FAM107B: variants seen among roughly 807,000 people sequenced by gnomAD.
The protein encoded by FAM107B is protein FAM107B.
Under a neutral mutation model 31.5 loss-of-function variants are expected in FAM107B, and 21 were observed. The observed-to-expected ratio is 0.67, with a 90% CI of 0.47 to 0.96. FAM107B has a LOEUF of 0.96. FAM107B is among the 40% of genes least tolerant of loss of function. The pLI, the probability that FAM107B is intolerant of heterozygous loss-of-function variation, is 0.00. For synonymous variants in FAM107B, 157 were observed against 141.5 expected (o/e 1.11, Z -0.78); for missense variants, 452 against 377.1 (o/e 1.20, Z -1.64).
intron 2 of FAM107B, among the ~76,000 whole-genome samples, chr10:14,631,951 G>A (rs922260556): frequency 4.6e-5 from 7 of 151,880 alleles, no homozygotes; most frequent in African/African-American, 1.5e-4. Flanking sequence ...TGTAGCCCAC[G>A]AAAAAAAGTG....
intron 2 of FAM107B, among the ~76,000 whole-genome samples, chr10:14,579,144 T>C (rs927692305): frequency 4.6e-5 from 7 of 152,226 alleles, no homozygotes; most frequent in African/African-American, 9.6e-5. Flanking sequence ...TAAGATGTTA[T>C]CTTAATTTGC....
chr10:14,704,885 A>G (rs1209075690), intron 1 of FAM107B, among the ~76,000 whole-genome samples: 1 of 151,922 alleles, frequency 6.6e-6, no homozygotes, highest in Non-Finnish European at 1.5e-5. Flanking sequence ...TTAACTAAGC[A>G]TGGTGGTGGG....
chr10:14,774,143 G>T, intron 1 of FAM107B, 110 bp downstream of exon 1: 1 of 1,354,372 alleles, frequency 7.4e-7, no homozygotes, highest in Non-Finnish European at 1.0e-6. Flanking sequence ...CGCCCGCAAT[G>T]CCTTATTCAG....
At chr10:14,559,042 G>A (rs1461255359) in intron 2 of FAM107B, among the ~76,000 whole-genome samples, 8 of 147,116 alleles carry the variant, frequency 5.4e-5, no homozygotes, top group African/African-American at 7.6e-5. Flanking sequence ...CCCTTCCAAC[G>A]CAGTCCAGCT....
intron 1 of FAM107B, among the ~76,000 whole-genome samples, chr10:14,759,402 C>T (rs1218477053): frequency 6.6e-6 from 1 of 152,118 alleles, no homozygotes; most frequent in African/African-American, 2.4e-5. Flanking sequence ...CCATTCTTTC[C>T]TGGCGCCATC....
At chr10:14,698,541 C>A (rs1855321567) in intron 1 of FAM107B, among the ~76,000 whole-genome samples, 1 of 152,158 alleles carries the variant, frequency 6.6e-6, no homozygotes, top group Non-Finnish European at 1.5e-5. Flanking sequence ...TGTATATTAT[C>A]TCATGTGAGC....
intron 1 of FAM107B, among the ~76,000 whole-genome samples, chr10:14,762,566 C>A (rs1833071884): frequency 6.6e-6 from 1 of 152,064 alleles, no homozygotes; most frequent in African/African-American, 2.4e-5. Flanking sequence ...ACCAGCCTGG[C>A]CAACATGGTG....
At chr10:14,539,154 A>C (rs892427709) in intron 2 of FAM107B, among the ~76,000 whole-genome samples, 1 of 152,274 alleles carries the variant, frequency 6.6e-6, no homozygotes, top group Non-Finnish European at 1.5e-5. Context: ...ACACTAGTTT[A>C]AACAAAGAAT....
Position 14,584,409 on chromosome 10 carries a change from G to A in FAM107B, c.470-53894C>T, listed in dbSNP as rs144966894. On this transcript the variant is annotated intron_variant, in intron 2 of 4. Coordinates refer to ENST00000181796, the MANE Select transcript of FAM107B (RefSeq NM_031453.4). ...AGCTGCCGATGAGAATTATGCTTTC[G>A]CACCCCATGGCCCTCGGCACTCAGA... 1.8e-3 allele frequency among the ~76,000 whole-genome samples: 276 copies of A among 152,288 alleles called. 3 individuals are homozygous for A. The highest frequency in any genetic ancestry group is 5.8e-3 in the East Asian group (30 of 5,190).
intron 1 of FAM107B, among the ~76,000 whole-genome samples, chr10:14,668,189 G>T (rs1413090061): frequency 6.6e-6 from 1 of 152,026 alleles, no homozygotes; most frequent in Non-Finnish European, 1.5e-5. Flanking sequence ...TTACAGGCAT[G>T]CACCACCAGG....
chr10:14,566,584 GC>G (rs1040414320), intron 2 of FAM107B, among the ~76,000 whole-genome samples: 2 of 152,178 alleles, frequency 1.3e-5, no homozygotes, highest in African/African-American at 4.8e-5. Context: ...GCTAGGCTGT[GC>G]CCGGGCTCCT....
rs189262864 is a variant in FAM107B at position 14,633,277 on chromosome 10, A to G, written c.469+34357T>C. Among the ~76,000 whole-genome samples, 488 of 152,302 alleles carry G rather than the reference A, an allele frequency of 3.2e-3. 4 individuals are homozygous for G. In the South Asian group the frequency reaches 0.032, roughly 10 times the overall value. ...CTTGGAGGGATCATGTGTAATTTACATAAGTCTTTAATTGTGAAACTAACT... is the reference window on the plus strand; with the variant it reads ...CTTGGAGGGATCATGTGTAATTTACGTAAGTCTTTAATTGTGAAACTAACT... On this transcript the variant is annotated intron_variant, in intron 2 of 4. Transcript: ENST00000181796.
intron 2 of FAM107B, among the ~76,000 whole-genome samples, chr10:14,563,565 G>C (rs1850417921): frequency 7.2e-6 from 1 of 139,400 alleles, no homozygotes; most frequent in Admixed American, 7.2e-5. Context: ...ATGCAAGATA[G>C]ACAAATTTTA....
chr10:14,657,350 C>T (rs1431517973), intron 2 of FAM107B, among the ~76,000 whole-genome samples: 2 of 152,194 alleles, frequency 1.3e-5, no homozygotes, highest in Non-Finnish European at 2.9e-5. Context: ...AATCCTATCT[C>T]ATTAGCCTGA....
chr10:14,694,696 G>A (rs1330369852), intron 1 of FAM107B, among the ~76,000 whole-genome samples: 1 of 152,032 alleles, frequency 6.6e-6, no homozygotes, highest in Non-Finnish European at 1.5e-5. Context: ...TTTGATAATT[G>A]CCATCTTAAT....
At chr10:14,622,050 C>T (rs1284323063) in intron 2 of FAM107B, among the ~76,000 whole-genome samples, 3 of 152,200 alleles carry the variant, frequency 2.0e-5, no homozygotes, top group African/African-American at 7.2e-5. Flanking sequence ...ACAGTCTCTC[C>T]ATGGAGTAAC....
chr10:14,568,539 C>G (rs367698630), intron 2 of FAM107B, among the ~76,000 whole-genome samples: 2 of 147,982 alleles, frequency 1.4e-5, no homozygotes, highest in Non-Finnish European at 3.0e-5. Flanking sequence ...AGGGTTAGAC[C>G]AGGAGGTGAA....
chr10:14,626,342 C>T (rs192823131), intron 2 of FAM107B, among the ~76,000 whole-genome samples: 27 of 152,198 alleles, frequency 1.8e-4, no homozygotes, highest in African/African-American at 6.5e-4. Flanking sequence ...AGTTTTCAGT[C>T]AGACTGTGCA....
At chr10:14,630,214 T>G (rs144235324) in intron 2 of FAM107B, among the ~76,000 whole-genome samples, 2 of 150,768 alleles carry the variant, frequency 1.3e-5, no homozygotes, top group African/African-American at 4.9e-5. Flanking sequence ...AAGCACTTTA[T>G]GTCCCATATA....
Sources: gnomAD v4.1 joint callset for allele counts (sites outside exome capture counted in the v4.1 genomes callset) on GRCh38, gnomAD v4.1.1 for gene constraint, MANE v1.5 for transcripts, NCBI Gene and HGNC (gene_info 2026-07-23, HGNC 2026-07-21) for gene names.